MPHOSPH9: variants seen among roughly 807,000 people sequenced by gnomAD.
The protein encoded by MPHOSPH9 is M-phase phosphoprotein 9.
MPHOSPH9 carries 88 observed loss-of-function variants against 145.5 expected under a neutral mutation model. That is an observed-to-expected ratio of 0.60 (90% CI 0.51 to 0.72). The LOEUF is 0.72. Among genes scored for constraint, MPHOSPH9 ranks in the 30% least tolerant of loss-of-function variants. The pLI is 0.00. For missense variants in MPHOSPH9, 1,238 were observed against 1,386.6 expected, an observed-to-expected ratio of 0.89 and a Z score of 1.70; for synonymous variants, 435 against 486.2, an observed-to-expected ratio of 0.89 and a Z score of 1.39.
At chr12:123,236,320 G>T (rs751754223), upstream of MPHOSPH9, among the ~76,000 whole-genome samples, 37 of 152,134 alleles carry the variant, frequency 2.4e-4, 1 homozygote, top group Non-Finnish European at 2.8e-4. Flanking sequence ...GCAGCTGCAC[G>T]TGGTGGCTCA....
chr12:123,230,295 G>A lies in MPHOSPH9; in HGVS notation c.70C>T (p.Leu24Phe). 3.3e-6 allele frequency: 5 copies of A among 1,533,140 alleles called. No homozygotes were observed. Among genetic ancestry groups the A allele is most frequent in the Non-Finnish European group, 2.6e-6 (3 of 1,144,752 alleles). The allele number at this position is 1,533,140 out of a possible 1,614,324, so 95.0% of individuals were successfully genotyped here. ...SSSVGSDENSLHSLGLNLNTD... is the reference protein window; with the variant it reads ...SSSVGSDENSFHSLGLNLNTD... ...TTTAAGTTCAGTCCAAGAGAATGAAGAGAATTTTCATCAGATCCTACAGAA... is the reference window on the plus strand; with the variant it reads ...TTTAAGTTCAGTCCAAGAGAATGAAAAGAATTTTCATCAGATCCTACAGAA... The change falls in exon 2 of 24, where the codon CTT (leucine) becomes TTT (phenylalanine). Residue 24 changes from leucine (L) to phenylalanine (F), a missense_variant. Leu to Phe is a conservative substitution (Grantham distance 22, BLOSUM62 0). This residue lies in a region of MPHOSPH9 where 837 missense variants were observed against 897.5 expected (regional missense o/e 0.93). Transcript: ENST00000606320.
intron 16 of MPHOSPH9, among the ~76,000 whole-genome samples, chr12:123,175,245 G>C (rs1437485326): frequency 1.3e-5 from 2 of 151,832 alleles, no homozygotes; most frequent in African/African-American, 4.8e-5. Flanking sequence ...CCGCCTCCCG[G>C]GTTCACACCA....
At chr12:123,163,537 GA>G in intron 19 of MPHOSPH9, 1 of 197,826 alleles carries the variant, frequency 5.1e-6, no homozygotes, top group Non-Finnish European at 1.0e-5. Flanking sequence ...ATTGGCTAAA[GA>G]AAAATGGTGA....
intron 18 of MPHOSPH9, among the ~76,000 whole-genome samples, chr12:123,164,960 G>C (rs1207935142): frequency 7.7e-6 from 1 of 130,046 alleles, no homozygotes; most frequent in Non-Finnish European, 1.5e-5. Flanking sequence ...AGTGAGCTGA[G>C]ATTACGCACT....
At chr12:123,161,021 G>T in intron 22 of MPHOSPH9, 115 bp downstream of exon 22, 1 of 1,385,780 alleles carries the variant, frequency 7.2e-7, no homozygotes, top group Non-Finnish European at 9.8e-7. Flanking sequence ...GCACAGCTCT[G>T]GTATGTTATC....
chr12:123,181,877 C>A (rs1157690902), intron 13 of MPHOSPH9, among the ~76,000 whole-genome samples: 2 of 152,090 alleles, frequency 1.3e-5, no homozygotes, highest in Admixed American at 6.6e-5. Context: ...AGAGCGAGAC[C>A]CTGTCTCAAA....
chr12:123,157,007 A>C, intron 23 of MPHOSPH9, 99 bp from the exon 24 acceptor site: 1 of 729,102 alleles, frequency 1.4e-6, no homozygotes, highest in South Asian at 2.3e-5. Flanking sequence ...GCAAGTATAA[A>C]CACTAAAATT....
intron 16 of MPHOSPH9, among the ~76,000 whole-genome samples, chr12:123,174,001 G>A (rs1430615819): frequency 6.6e-6 from 1 of 152,150 alleles, no homozygotes; most frequent in African/African-American, 2.4e-5. Flanking sequence ...TCAGCTTATG[G>A]GATCTGACCC....
chr12:123,238,876 T>C (rs2047889836), intron 1 of MPHOSPH9, among the ~76,000 whole-genome samples: 1 of 152,146 alleles, frequency 6.6e-6, no homozygotes, highest in African/African-American at 2.4e-5. Flanking sequence ...TCCCATAAAG[T>C]AGCCACCAGC....
rs186904175 is a variant in MPHOSPH9 at position 123,203,103 on chromosome 12, C to T, written c.1321-19G>A. On this transcript the variant is annotated intron_variant, in intron 9 of 23. Transcript: ENST00000606320. ...TCAGGACCTGGAAACCAGACAACAA[C>T]GAAGTCTTACCCTCAGAACTCGGCT... The T allele has an allele frequency of 2.9e-5, 47 of 1,604,032 alleles. 1 individual carries two copies. In the Admixed American group the frequency reaches 5.5e-4, roughly 19 times the overall value.
At chr12:123,188,642 G>A (rs1047951769) in intron 13 of MPHOSPH9, among the ~76,000 whole-genome samples, 10 of 152,192 alleles carry the variant, frequency 6.6e-5, no homozygotes, top group African/African-American at 2.2e-4. Flanking sequence ...GAGGTCAGGA[G>A]ATCGAGACCA....
intron 16 of MPHOSPH9, among the ~76,000 whole-genome samples, chr12:123,175,821 TA>T (rs75867409): frequency 0.54 from 71,513 of 131,812 alleles, 21,646 homozygotes; most frequent in Non-Finnish European, 0.69. Flanking sequence ...ATCTTTTCTT[TA>T]AAAAAAAAAA....
In MPHOSPH9 at chr12:123,221,795, T is replaced by G; in HGVS notation, c.449A>C (p.Glu150Ala). The G allele has an allele frequency of 6.2e-7, 1 of 1,614,118 alleles. No homozygotes were observed. Among genetic ancestry groups the G allele is most frequent in the Non-Finnish European group, 8.5e-7 (1 of 1,180,028 alleles). The change falls in exon 5 of 24, where the codon GAA becomes GCA. Residue 150 changes from glutamate to alanine, a missense_variant. Around this residue, in one of 3 missense-constraint regions of MPHOSPH9, gnomAD observed 837 missense variants for 897.5 expected, o/e 0.93. Coordinates refer to ENST00000606320, the MANE Select transcript of MPHOSPH9 (RefSeq NM_022782.4). Reference protein sequence around the residue: ...GNSSNKQVSSESQMGFFSLSS... With the variant: ...GNSSNKQVSSASQMGFFSLSS... The stretch of plus-strand genomic sequence containing the variant: ...TAGAGAAAAAAAACCCATTTGACTT[T>G]CCGAAGATACTTGTTTGTTTGAAGA...
At chr12:123,205,777 C>A (rs2046400246) in intron 8 of MPHOSPH9, among the ~76,000 whole-genome samples, 1 of 152,144 alleles carries the variant, frequency 6.6e-6, no homozygotes, top group African/African-American at 2.4e-5. Flanking sequence ...ATGTTAACAT[C>A]TCTAAAGTAG....
At position 123,202,161 on chromosome 12, in the gene MPHOSPH9, T is replaced by C. The variant is rs1193155598; in HGVS notation, c.1937+3A>G. On this transcript the variant is annotated splice_donor_region_variant and intron_variant, in intron 11 of 23. Transcript: ENST00000606320. ...AACTTCACAGCTAAATTATAAATTT[T>C]ACCTGTCTACAAGAATTTGATTGGT... is the stretch of plus-strand genomic sequence containing the variant. 6.3e-7 allele frequency: 1 copy of C among 1,598,572 alleles called. No homozygotes were observed. The highest frequency in any genetic ancestry group is 1.8e-5 in the Admixed American group (1 of 55,886).
At chr12:123,204,606 G>A (rs1337735600) in intron 8 of MPHOSPH9, among the ~76,000 whole-genome samples, 1 of 152,212 alleles carries the variant, frequency 6.6e-6, no homozygotes, top group Non-Finnish European at 1.5e-5. Context: ...TGGACACGGT[G>A]GCTTACACCT....
rs2044087732 is a variant in MPHOSPH9, at chr12:123,161,128, G to C, written c.3381+8C>G. The C allele has an allele frequency of 1.9e-6, 3 of 1,612,664 alleles. No individual in the cohort carries two copies. Among genetic ancestry groups the C allele is most frequent in the Admixed American group, 3.3e-5 (2 of 59,748 alleles). On this transcript the variant is annotated splice_region_variant and intron_variant, in intron 22 of 23. Transcript: ENST00000606320. ...AAACAATTTTTAAAAATATTTGTTT[G>C]TTTTTACCTGGTCCTTTTCTTTTGT... is the stretch of plus-strand genomic sequence containing the variant.
At chr12:123,166,347 T>G in intron 17 of MPHOSPH9, 1 of 320,682 alleles carries the variant, frequency 3.1e-6, no homozygotes, top group Non-Finnish European at 5.7e-6. Flanking sequence ...GCTCAAGCGA[T>G]CCTCCACGTT....
At chr12:123,187,975 G>C (rs2045522213) in intron 13 of MPHOSPH9, among the ~76,000 whole-genome samples, 2 of 151,988 alleles carry the variant, frequency 1.3e-5, no homozygotes, top group South Asian at 2.1e-4. Flanking sequence ...AATACAAAAA[G>C]AATTAGTGAG....
Sources: gnomAD v4.1 joint callset for allele counts (sites outside exome capture counted in the v4.1 genomes callset) on GRCh38, gnomAD v4.1.1 for gene constraint, gnomAD v4.1.1 regional missense constraint, MANE v1.5 for transcripts, NCBI Gene and HGNC (gene_info 2026-07-23, HGNC 2026-07-21) for gene names.